Variants in ARFGEF2 observed in about 807,000 individuals in gnomAD.
ARFGEF2 encodes the protein brefeldin A-inhibited guanine nucleotide-exchange protein 2.
Under a neutral mutation model 219.9 loss-of-function variants are expected in ARFGEF2, and 74 were observed. The ratio of observed to expected loss-of-function variants is 0.34; its 90% confidence interval spans 0.28 to 0.41. The LOEUF (loss-of-function observed/expected upper bound fraction) is 0.41, where lower values mean the gene tolerates loss of function less well. Among genes scored for constraint, ARFGEF2 ranks in the 10% least tolerant of loss-of-function variants. The pLI, the probability that ARFGEF2 is intolerant of heterozygous loss-of-function variation, is 1.00. For synonymous variants in ARFGEF2, 733 were observed against 799.2 expected, an observed-to-expected ratio of 0.92 and a Z score of 1.40; for missense variants, 1,743 against 2,218.3, an observed-to-expected ratio of 0.79 and a Z score of 4.30.
In ARFGEF2 at chr20:48,976,219, A is replaced by T. The variant is rs1243000532; in HGVS notation, c.1958+20A>T. 1 of 1,613,356 alleles carries T rather than the reference A, an allele frequency of 6.2e-7. No homozygotes were observed. Among genetic ancestry groups the T allele is most frequent in the Non-Finnish European group, 8.5e-7 (1 of 1,179,784 alleles). ...CGAGCTGTGAGTGGGGCTGCCGTTA[A>T]CTAGCAGGGATTCTAGCAAAGCCAT... On this transcript the variant is annotated intron_variant, in intron 14 of 38. Transcript: ENST00000371917.
At chr20:48,965,743 C>A in intron 7 of ARFGEF2, 129 bp from the exon 8 acceptor site, 2 of 1,073,282 alleles carry the variant, frequency 1.9e-6, no homozygotes, top group Admixed American at 1.8e-5. Flanking sequence ...CAGTCATGGG[C>A]TGGTGGCACA....
intron 1 of ARFGEF2, among the ~76,000 whole-genome samples, chr20:48,939,431 C>A (rs1035684471): frequency 3.3e-5 from 5 of 152,148 alleles, no homozygotes; most frequent in Non-Finnish European, 5.9e-5. Flanking sequence ...GGCAGCAGCA[C>A]CCCTCTGGCA....
chr20:48,965,990 T>C lies in ARFGEF2; in HGVS notation c.1026T>C (p.Asp342=). The C allele has an allele frequency of 3.7e-6, 6 of 1,614,172 alleles. No individual in the cohort carries two copies. The highest frequency in any genetic ancestry group is 3.4e-6 in the Non-Finnish European group (4 of 1,179,994). The change falls in exon 8 of 39, where the codon GAT becomes GAC. Residue 342 remains aspartate (D), a synonymous_variant. Coordinates refer to ENST00000371917, the MANE Select transcript of ARFGEF2 (RefSeq NM_006420.3). ...ACTCACAGACCAACGGGATAGCCGA[T>C]GACAGGCAGTCCTTGTCGTCAGCAG... ...DENSQTNGIA[D]DRQSLSSADN...
At chr20:49,013,067 A>G (rs1178786323) in intron 28 of ARFGEF2, among the ~76,000 whole-genome samples, 1 of 152,140 alleles carries the variant, frequency 6.6e-6, no homozygotes, top group Admixed American at 6.5e-5. Context: ...TAATTCATCT[A>G]TAACCTAGGA....
intron 1 of ARFGEF2, among the ~76,000 whole-genome samples, chr20:48,930,700 GA>G (rs1226208432): frequency 2.0e-5 from 3 of 152,172 alleles, no homozygotes; most frequent in Non-Finnish European, 4.4e-5. Flanking sequence ...TTGGACATGT[GA>G]AATGGGAAGT....
chr20:48,989,823 T>A, intron 20 of ARFGEF2, 139 bp downstream of exon 20: 1 of 1,324,050 alleles, frequency 7.6e-7, no homozygotes, highest in South Asian at 1.2e-5. Flanking sequence ...TGACAAGAAA[T>A]CCGTAGCTTT....
intron 25 of ARFGEF2, among the ~76,000 whole-genome samples, chr20:49,004,860 T>C (rs1213136780): frequency 6.6e-6 from 1 of 152,184 alleles, no homozygotes; most frequent in Non-Finnish European, 1.5e-5. Context: ...TAAATGCATA[T>C]TTAATTAACT....
chr20:48,966,389 C>T (rs548319553), intron 8 of ARFGEF2, among the ~76,000 whole-genome samples: 2 of 152,284 alleles, frequency 1.3e-5, no homozygotes, highest in African/African-American at 4.8e-5. Flanking sequence ...CCATCCATAA[C>T]CCATAGATTG....
chr20:48,987,552 C>G (rs528914954), intron 16 of ARFGEF2, among the ~76,000 whole-genome samples: 25 of 152,254 alleles, frequency 1.6e-4, no homozygotes, highest in African/African-American at 5.1e-4. Context: ...TATCTCATGT[C>G]TAGCACAGTA....
intron 22 of ARFGEF2, 26 bp downstream of exon 22, chr20:48,994,624 C>G: frequency 6.2e-7 from 1 of 1,612,446 alleles, no homozygotes; most frequent in Non-Finnish European, 8.5e-7. Flanking sequence ...CCACAGCTAA[C>G]AGTCACGGAT....
chr20:48,940,994 A>T (rs999725842), intron 1 of ARFGEF2, among the ~76,000 whole-genome samples: 5 of 152,210 alleles, frequency 3.3e-5, no homozygotes, highest in African/African-American at 9.6e-5. Context: ...TAAAACACTT[A>T]CAGTAATGCC....
At chr20:48,982,712 C>T (rs2091304130) in intron 14 of ARFGEF2, among the ~76,000 whole-genome samples, 2 of 152,348 alleles carry the variant, frequency 1.3e-5, no homozygotes, top group South Asian at 2.1e-4. Flanking sequence ...GCAGACACCC[C>T]TCCCCCTGCC....
At chr20:48,981,047 C>T (rs919005022) in intron 14 of ARFGEF2, among the ~76,000 whole-genome samples, 1 of 151,982 alleles carries the variant, frequency 6.6e-6, no homozygotes, top group East Asian at 1.9e-4. Flanking sequence ...TTATTTTGCC[C>T]GTTAGTTGAT....
Position 49,018,924 on chromosome 20 carries a change from A to C in ARFGEF2, c.4550A>C (p.Lys1517Thr). 6.2e-7 allele frequency: 1 copy of C among 1,614,100 alleles called. No individual in the cohort carries two copies. The highest frequency in any genetic ancestry group is 8.5e-7 in the Non-Finnish European group (1 of 1,179,962). Residue 1517 changes from lysine to threonine, a missense_variant, in exon 34 of 39, where the codon AAA becomes ACA. By Grantham distance (78) the Lys-to-Thr change is moderately conservative. Coordinates refer to ENST00000371917, the MANE Select transcript of ARFGEF2 (RefSeq NM_006420.3). ...LDRQSLSSID[K>T]NPSERGQSQL... Reference sequence around the variant, plus strand: ...CGCCAGTCTTTAAGCAGCATAGATAAAAATCCCTCTGAGAGGGGACAGAGC... The same window carrying C: ...CGCCAGTCTTTAAGCAGCATAGATACAAATCCCTCTGAGAGGGGACAGAGC...
Position 48,951,426 on chromosome 20 carries a change from A to G in ARFGEF2, c.380A>G (p.Gln127Arg). The change falls in exon 4 of 39, where the codon CAG becomes CGG. Residue 127 changes from glutamine to arginine, a missense_variant. Physicochemically the swap from Gln to Arg is conservative, Grantham distance 43. Coordinates refer to ENST00000371917, the MANE Select transcript of ARFGEF2 (RefSeq NM_006420.3). Reference protein sequence around the residue: ...RIVETICSCFQGPQTDEGVQL... With the variant: ...RIVETICSCFRGPQTDEGVQL... ...GTTGAAACCATTTGCAGTTGTTTTC[A>G]GGGCCCTCAGACTGATGAAGGGGTT... 1 of 1,614,222 alleles carries G rather than the reference A, an allele frequency of 6.2e-7. No homozygotes were observed. Among genetic ancestry groups the G allele is most frequent in the Non-Finnish European group, 8.5e-7 (1 of 1,180,038 alleles).
rs148995454 is a variant in ARFGEF2, at chr20:48,930,875, G to T, written c.121+8865G>T. Among the ~76,000 whole-genome samples the T allele has an allele frequency of 1.9e-3, 287 of 152,346 alleles. 1 individual carries two copies. The highest frequency in any genetic ancestry group is 6.6e-3 in the African/African-American group (274 of 41,570). ...AACCCTCCAGGCCTTTTCTGGCTGGGCAGAGGAGGCTGAGTCTGCAGACGA... is the reference window on the plus strand; with the variant it reads ...AACCCTCCAGGCCTTTTCTGGCTGGTCAGAGGAGGCTGAGTCTGCAGACGA... On this transcript the variant is annotated intron_variant, in intron 1 of 38. Transcript: ENST00000371917.
At chr20:48,953,940 G>A in intron 6 of ARFGEF2, 150 bp downstream of exon 6, 1 of 858,314 alleles carries the variant, frequency 1.2e-6, no homozygotes, top group Non-Finnish European at 1.9e-6. Context: ...TTCTCTTAGG[G>A]AACACAACCA....
rs2090840640 is a variant in ARFGEF2 at position 48,921,762 on chromosome 20, C to T, written c.-128C>T. On this transcript the variant is annotated 5_prime_UTR_variant, in exon 1 of 39. Transcript: ENST00000371917. ...TGGCGGCGCCGTGGGGCCGAGGTGT[C>T]GCTTCCTGACGGGGCGGCGCGGACG... 3 of 1,026,670 alleles carry T rather than the reference C, an allele frequency of 2.9e-6. No individual in the cohort carries two copies. Among genetic ancestry groups the T allele is most frequent in the South Asian group, 4.8e-5 (1 of 20,950 alleles). 63.6% of individuals were successfully genotyped at this position (1,026,670 alleles called of 1,614,324 possible).
chr20:48,951,232 A>T, intron 3 of ARFGEF2, 91 bp from the exon 4 acceptor site: 1 of 1,485,902 alleles, frequency 6.7e-7, no homozygotes, highest in Non-Finnish European at 9.3e-7. Flanking sequence ...TAGGAACTGG[A>T]AGTGCCTGTC....
Sources: allele counts gnomAD v4.1 joint callset (sites outside exome capture counted in the v4.1 genomes callset), GRCh38; gene constraint gnomAD v4.1.1; transcripts MANE v1.5; gene names NCBI Gene and HGNC (gene_info 2026-07-23, HGNC 2026-07-21).